Variants in KIF13B observed in about 807,000 individuals in gnomAD.
The protein encoded by KIF13B is kinesin-like protein KIF13B.
KIF13B carries 127 observed loss-of-function variants against 222.0 expected under a neutral mutation model. That is an observed-to-expected ratio of 0.57 (90% CI 0.50 to 0.66). The LOEUF (loss-of-function observed/expected upper bound fraction) is 0.66, where lower values mean the gene tolerates loss of function less well. KIF13B is among the 30% of genes least tolerant of loss of function. The probability of loss-of-function intolerance (pLI) is 0.00; values close to 1 mark genes in which losing one functional copy is unlikely to be tolerated. For missense variants in KIF13B, 2,173 were observed against 2,379.0 expected, an observed-to-expected ratio of 0.91 and a Z score of 1.80; for synonymous variants, 976 against 919.0, an observed-to-expected ratio of 1.06 and a Z score of -1.12.
intron 12 of KIF13B, among the ~76,000 whole-genome samples, chr8:29,164,345 A>G (rs1224311097): frequency 2.0e-5 from 3 of 152,226 alleles, no homozygotes; most frequent in African/African-American, 7.2e-5. Context: ...GAACAGTTAA[A>G]AACAACAGGG....
In KIF13B at chr8:29,067,877, G is replaced by C; in HGVS notation, c.*2627C>G. 6.5e-6 allele frequency: 1 copy of C among 152,708 alleles called. No homozygotes were observed. Among genetic ancestry groups the C allele is most frequent in the Non-Finnish European group, 1.5e-5 (1 of 68,302 alleles). 9.5% of individuals were successfully genotyped at this position (152,708 alleles called of 1,614,324 possible). A position where few individuals can be genotyped will look rare whatever the true frequency, so the allele number is the denominator to read the frequency against. On this transcript the variant is annotated 3_prime_UTR_variant, in exon 40 of 40. Coordinates refer to ENST00000524189, the MANE Select transcript of KIF13B (RefSeq NM_015254.4). ...TCCCCCTCCTCACCTCTGCCCTCCC[G>C]CTCCCTCTGGTCAGGCCTGGGTACC...
At chr8:29,088,310 T>C (rs1586758957) in intron 37 of KIF13B, among the ~76,000 whole-genome samples, 1 of 152,264 alleles carries the variant, frequency 6.6e-6, no homozygotes, top group Non-Finnish European at 1.5e-5. Flanking sequence ...ACTCACTTCA[T>C]CCAAAATGAT....
chr8:29,132,239 G>A, intron 23 of KIF13B, 69 bp downstream of exon 23: 1 of 1,209,414 alleles, frequency 8.3e-7, no homozygotes. Context: ...GAGTGAATGA[G>A]ACTGTCTCAA....
chr8:29,204,260 T>C (rs6985301), intron 2 of KIF13B, among the ~76,000 whole-genome samples: 2 of 152,342 alleles, frequency 1.3e-5, no homozygotes, highest in East Asian at 1.9e-4. Flanking sequence ...GACTCTGATA[T>C]ATAAATTCCA....
At chr8:29,150,989 AC>A (rs150690319) in intron 14 of KIF13B, among the ~76,000 whole-genome samples, 4,931 of 152,300 alleles carry the variant, frequency 0.032, 275 homozygotes, top group African/African-American at 0.11. Context: ...GAAAACCAAG[AC>A]AGGACGAAAA....
In KIF13B at chr8:29,091,419, C is replaced by A. The variant is rs965996116; in HGVS notation, c.4458+1326G>T. 5.3e-5 allele frequency among the ~76,000 whole-genome samples: 8 copies of A among 152,298 alleles called. No homozygotes were observed. In the South Asian group the frequency reaches 1.7e-3, roughly 32 times the overall value. ...CAATTTCCTTCAACCTACATGACTC[C>A]GCCTTCACCAAACAGCAACTGAAAA... is the stretch of plus-strand genomic sequence containing the variant. On this transcript the variant is annotated intron_variant, in intron 37 of 39. Transcript: ENST00000524189.
At chr8:29,184,117 CT>C (rs1032252455) in intron 6 of KIF13B, among the ~76,000 whole-genome samples, 26 of 152,036 alleles carry the variant, frequency 1.7e-4, no homozygotes, top group African/African-American at 5.8e-4. Flanking sequence ...CTATTATTGA[CT>C]TTTTTCCTTT....
chr8:29,226,565 T>A (rs1002666227), intron 2 of KIF13B, among the ~76,000 whole-genome samples: 4 of 152,128 alleles, frequency 2.6e-5, no homozygotes, highest in Admixed American at 1.3e-4. Flanking sequence ...AGCAATTCCA[T>A]CACTTTCCCA....
At chr8:29,111,503 A>C (rs1266012704) in intron 32 of KIF13B, among the ~76,000 whole-genome samples, 1 of 152,218 alleles carries the variant, frequency 6.6e-6, no homozygotes, top group Non-Finnish European at 1.5e-5. Flanking sequence ...TGCCTTTATC[A>C]TCAGGATTTG....
chr8:29,162,345 T>C (rs1811818666), intron 12 of KIF13B, among the ~76,000 whole-genome samples: 1 of 152,242 alleles, frequency 6.6e-6, no homozygotes, highest in Admixed American at 6.5e-5. Flanking sequence ...CAATATATCC[T>C]GCCTAGAAGT....
chr8:29,235,756 T>C (rs1160201357), intron 2 of KIF13B, among the ~76,000 whole-genome samples: 1 of 152,170 alleles, frequency 6.6e-6, no homozygotes, highest in Non-Finnish European at 1.5e-5. Flanking sequence ...TGCTCTAGAT[T>C]TGAAAGAGAT....
chr8:29,072,019 TG>T lies in KIF13B; in HGVS notation c.4818del (p.Ile1607SerfsTer22). 7.7e-7 allele frequency: 1 copy of T among 1,292,338 alleles called. No homozygotes were observed. 80.1% of individuals were successfully genotyped at this position (1,292,338 alleles called of 1,614,324 possible). ...GCCGTGGGCGGTGGGGGGTGGCTGA[TG>T]GGCGCCTCGGGCTCGGCCTCAGGGG... Reference protein sequence around the residue: ...PTAPEAEPEAPISHPPPPTAV... With the variant: ...PTAPEAEPEAXISHPPPPTAV... On this transcript the variant is annotated frameshift_variant, in exon 39 of 40. Coordinates refer to ENST00000524189, the MANE Select transcript of KIF13B (RefSeq NM_015254.4). LOFTEE classifies it high-confidence loss of function.
chr8:29,096,746 C>T (rs565308444), intron 36 of KIF13B, among the ~76,000 whole-genome samples: 37 of 151,872 alleles, frequency 2.4e-4, no homozygotes, highest in Middle Eastern at 6.8e-3. Context: ...TGAGGGGTGA[C>T]GTCATATGAA....
chr8:29,165,915 A>ATCGAAGTACCTCGATTGTAGG lies in KIF13B; in HGVS notation c.1159-144_1159-143insCCTACAATCGAGGTACTTCGA, dbSNP rs1811978096. ...GGTCTGACATCTACTTCGATTGTAG[A>ATCGAAGTACCTCGATTGTAGG]TCGAAGTACCTCGATTGTCTGAGGA... On this transcript the variant is annotated intron_variant, in intron 11 of 39. Transcript: ENST00000524189. 7.4e-6 allele frequency: 5 copies of ATCGAAGTACCTCGATTGTAGG among 675,184 alleles called. No homozygotes were observed. In the East Asian group the frequency reaches 1.3e-4, roughly 18 times the overall value. The allele number at this position is 675,184 out of a possible 1,614,324, so 41.8% of individuals were successfully genotyped here. A position where few individuals can be genotyped will look rare whatever the true frequency, so the allele number is the denominator to read the frequency against.
intron 2 of KIF13B, among the ~76,000 whole-genome samples, chr8:29,231,889 A>C (rs2130590127): frequency 6.6e-6 from 1 of 152,272 alleles, no homozygotes; most frequent in Non-Finnish European, 1.5e-5. Context: ...TTTTTTTAAG[A>C]ATTATAAAGA....
intron 29 of KIF13B, among the ~76,000 whole-genome samples, chr8:29,122,256 AAAATAAAT>A (rs565231570): frequency 2.6e-5 from 4 of 152,112 alleles, no homozygotes; most frequent in Non-Finnish European, 5.9e-5. Flanking sequence ...TCTGTCTCAA[AAAATAAAT>A]AAATAAATAA....
intron 32 of KIF13B, among the ~76,000 whole-genome samples, chr8:29,111,537 AG>A (rs1430578569): frequency 2.0e-5 from 3 of 152,272 alleles, no homozygotes; most frequent in African/African-American, 7.2e-5. Flanking sequence ...AATGTTTGCC[AG>A]CTTGGATGTT....
Position 29,071,624 on chromosome 8 carries a change from G to T in KIF13B, c.5214C>A (p.Pro1738=). 6.4e-7 allele frequency: 1 copy of T among 1,551,166 alleles called. No homozygotes were observed. Among genetic ancestry groups the T allele is most frequent in the East Asian group, 2.4e-5 (1 of 40,972 alleles). Residue 1738 remains proline, a synonymous_variant, in exon 39 of 40, where the codon CCC becomes CCA. Transcript: ENST00000524189. The surrounding 1 kb of genome is among the most constrained non-coding windows in gnomAD (Gnocchi z 4.9). ...GTWVGVELDL[P]SGKNDGSIGG... The stretch of plus-strand genomic sequence containing the variant: ...CCCGGAGTGCCCGGTACCCACCTGA[G>T]GGCAGGTCGAGCTCCACGCCGACCC...
intron 31 of KIF13B, among the ~76,000 whole-genome samples, chr8:29,115,490 C>A (rs1361166392): frequency 6.6e-6 from 1 of 151,998 alleles, no homozygotes; most frequent in African/African-American, 2.4e-5. Context: ...CCACACCCAG[C>A]TAATTTTGTA....
Sources: allele counts gnomAD v4.1 joint callset (sites outside exome capture counted in the v4.1 genomes callset), GRCh38; gene constraint gnomAD v4.1.1; non-coding constraint Gnocchi (gnomAD v3.1); transcripts MANE v1.5; gene names NCBI Gene and HGNC (gene_info 2026-07-23, HGNC 2026-07-21).